The following CXorf58 variants were observed in gnomAD, a reference collection of about 807,000 sequenced individuals.
CXorf58 encodes uncharacterized protein CXorf58.
Under a neutral mutation model 26.0 loss-of-function variants are expected in CXorf58, and 24 were observed. The observed-to-expected ratio is 0.92, with a 90% CI of 0.67 to 1.30. The LOEUF is 1.30. Ranked by LOEUF, CXorf58 falls within the 50% of genes most tolerant of loss-of-function variation. CXorf58 has a pLI of 0.00. For synonymous variants in CXorf58, 87 were observed against 86.1 expected, an observed-to-expected ratio of 1.01 and a Z score of -0.06; for missense variants, 236 against 263.9, an observed-to-expected ratio of 0.89 and a Z score of 0.73.
At chrX:23,933,835 G>A (rs1569255803) in intron 6 of CXorf58, among the ~76,000 whole-genome samples, 4 of 108,460 alleles carry the variant, frequency 3.7e-5, no homozygotes, top group Non-Finnish European at 7.7e-5. Context: ...AGCCGAGATC[G>A]TGTCACTGAA....
At chrX:23,929,846 C>T (rs1223249965) in intron 6 of CXorf58, among the ~76,000 whole-genome samples, 1 of 111,888 alleles carries the variant, frequency 8.9e-6, no homozygotes, top group Non-Finnish European at 1.9e-5. Context: ...CAGCTGGTAA[C>T]TTTAACTTAA....
At chrX:23,912,289 G>A (rs998358218) in intron 3 of CXorf58, among the ~76,000 whole-genome samples, 1 of 111,386 alleles carries the variant, frequency 9.0e-6, no homozygotes, top group Non-Finnish European at 1.9e-5. Context: ...ATAATATCAC[G>A]TGGAGTTCTG....
intron 6 of CXorf58, among the ~76,000 whole-genome samples, chrX:23,934,843 T>G (rs753578941): frequency 9.2e-6 from 1 of 108,218 alleles, no homozygotes; most frequent in Non-Finnish European, 1.9e-5. Flanking sequence ...GTCTTAATTG[T>G]TTTTTTTCTC....
intron 6 of CXorf58, among the ~76,000 whole-genome samples, chrX:23,928,650 C>CTG: frequency 9.0e-6 from 1 of 111,459 alleles, no homozygotes; most frequent in Middle Eastern, 4.6e-3. Flanking sequence ...TTATGGTGAA[C>CTG]TGTGATCAGT....
chrX:23,925,391 A>AG (rs1927978454), intron 5 of CXorf58, among the ~76,000 whole-genome samples: 1 of 98,853 alleles, frequency 1.0e-5, no homozygotes, highest in Admixed American at 1.2e-4. Context: ...TCTGTCACCC[A>AG]GACTGGAGTG....
chrX:23,912,143 G>C (rs768946136), intron 3 of CXorf58, among the ~76,000 whole-genome samples: 2 of 110,388 alleles, frequency 1.8e-5, no homozygotes, highest in Non-Finnish European at 3.8e-5. Context: ...AGTAGCGATG[G>C]GGTTTCACCA....
intron 5 of CXorf58, among the ~76,000 whole-genome samples, chrX:23,918,243 C>T (rs987132782): frequency 9.0e-6 from 1 of 111,039 alleles, no homozygotes; most frequent in African/African-American, 3.3e-5. Flanking sequence ...TCCTTCCTTC[C>T]TGCCTTCCTT....
At chrX:23,934,401 CCAAT>C (rs1229587660) in intron 6 of CXorf58, among the ~76,000 whole-genome samples, 2 of 110,379 alleles carry the variant, frequency 1.8e-5, no homozygotes, top group Non-Finnish European at 3.8e-5. Context: ...GCACCCACAA[CCAAT>C]CAATTTTTTT....
At chrX:23,938,069 T>C (rs1423803062) in intron 7 of CXorf58, among the ~76,000 whole-genome samples, 1 of 108,341 alleles carries the variant, frequency 9.2e-6, no homozygotes, top group East Asian at 2.9e-4. Context: ...TATTTTTTTT[T>C]AGTAGAGACG....
intron 5 of CXorf58, among the ~76,000 whole-genome samples, chrX:23,923,899 C>T (rs1187621452): frequency 9.2e-6 from 1 of 108,497 alleles, no homozygotes; most frequent in African/African-American, 3.4e-5. Context: ...GAAACCCCGT[C>T]TCTATTGAAA....
intron 1 of CXorf58, among the ~76,000 whole-genome samples, chrX:23,909,079 C>T (rs931525262): frequency 9.0e-6 from 1 of 111,662 alleles, no homozygotes; most frequent in Non-Finnish European, 1.9e-5. Context: ...GGCTGCTTTT[C>T]TCTTTCTTAA....
At chrX:23,912,490 C>G (rs775595301) in intron 3 of CXorf58, among the ~76,000 whole-genome samples, 1 of 111,436 alleles carries the variant, frequency 9.0e-6, no homozygotes, top group Non-Finnish European at 1.9e-5. Flanking sequence ...CAGCATCTCA[C>G]GCCTGTAATC....
intron 6 of CXorf58, among the ~76,000 whole-genome samples, chrX:23,932,070 A>T (rs1928177542): frequency 8.9e-6 from 1 of 112,460 alleles, no homozygotes; most frequent in Non-Finnish European, 1.9e-5. Flanking sequence ...GTGAAAAAAT[A>T]ACTTACCAAG....
chrX:23,931,342 T>C, intron 6 of CXorf58, among the ~76,000 whole-genome samples: 1 of 112,309 alleles, frequency 8.9e-6, no homozygotes, highest in Middle Eastern at 4.2e-3. Flanking sequence ...AAGATCATTG[T>C]TGACGTTTGA....
chrX:23,935,279 C>T lies in CXorf58; in HGVS notation c.639C>T (p.Pro213=). 8.3e-7 allele frequency: 1 copy of T among 1,208,737 alleles called. No homozygotes were observed. The highest frequency in any genetic ancestry group is 1.1e-6 in the Non-Finnish European group (1 of 892,827). ...GCAAATTAAATCTTGAAAATATTCC[C>T]AGGACAATGCTAATGTATGACATAG... The part of the protein sequence containing the change: ...SWRKLNLENI[P]RTMLMYDIVH... The change falls in exon 7 of 9, where the codon CCC becomes CCT. Residue 213 remains proline (P), a synonymous_variant. Transcript: ENST00000379211.
chrX:23,930,781 A>C, intron 6 of CXorf58, among the ~76,000 whole-genome samples: 1 of 110,909 alleles, frequency 9.0e-6, no homozygotes, highest in East Asian at 2.8e-4. Flanking sequence ...TTTTGTGGAG[A>C]TGGGATCTTG....
chrX:23,910,733 G>A (rs977423664), intron 2 of CXorf58, among the ~76,000 whole-genome samples: 1 of 82,511 alleles, frequency 1.2e-5, no homozygotes, highest in Non-Finnish European at 2.4e-5. Context: ...TCAAAGGTTT[G>A]TTTCCACACT....
In CXorf58 at chrX:23,939,440, T is replaced by C; in HGVS notation, c.*137T>C. On this transcript the variant is annotated 3_prime_UTR_variant, in exon 9 of 9. Transcript: ENST00000379211. Reference sequence around the variant, plus strand: ...ACAGTTAATTGACAGAAAACCAAAGTTGTTTAACAATCTGCTTGTCTGTCT... The same window carrying C: ...ACAGTTAATTGACAGAAAACCAAAGCTGTTTAACAATCTGCTTGTCTGTCT... 1 of 437,654 alleles carries C rather than the reference T, an allele frequency of 2.3e-6. No homozygotes were observed. The highest frequency in any genetic ancestry group is 4.6e-5 in the Admixed American group (1 of 21,697). The allele number at this position is 437,654 out of a possible 1,213,427, so 36.1% of individuals were successfully genotyped here.
chrX:23,935,521 G>A (rs761572265), intron 7 of CXorf58, 96 bp downstream of exon 7: 11 of 608,837 alleles, frequency 1.8e-5, no homozygotes, highest in African/African-American at 1.6e-4. Flanking sequence ...GAGGATATAT[G>A]GGGAAAATAG....
Sources: gnomAD v4.1 joint callset for allele counts (sites outside exome capture counted in the v4.1 genomes callset) on GRCh38, gnomAD v4.1.1 for gene constraint, MANE v1.5 for transcripts, NCBI Gene and HGNC (gene_info 2026-07-23, HGNC 2026-07-21) for gene names.